Variants in TUBA8 observed in about 807,000 individuals in gnomAD.
The protein encoded by TUBA8 is tubulin alpha 8.
In TUBA8, 29 loss-of-function variants were observed where a neutral mutation model predicts 34.7. The observed-to-expected ratio is 0.84, with a 90% CI of 0.62 to 1.14. The LOEUF is 1.14. Among genes scored for constraint, TUBA8 ranks in the 50% most tolerant of loss-of-function variants. TUBA8 has a pLI of 0.00. For missense variants in TUBA8, 541 were observed against 599.2 expected, an observed-to-expected ratio of 0.90 and a Z score of 1.01; for synonymous variants, 226 against 231.2, an observed-to-expected ratio of 0.98 and a Z score of 0.21.
chr22:18,127,596 T>C (rs1928373160), intron 4 of TUBA8: 1 of 152,520 alleles, frequency 6.6e-6, no homozygotes, highest in East Asian at 1.9e-4. Flanking sequence ...GGTTTCACCG[T>C]GTTAGCCAGG....
rs917177096 is a variant in TUBA8 at position 18,121,342 on chromosome 22, C to G, written c.4-137C>G. ...TGGTCCAGCTGCTATAGAGCTGGGGCACCTGCAGCCTCAACGCCAACTGGC... is the reference window on the plus strand; with the variant it reads ...TGGTCCAGCTGCTATAGAGCTGGGGGACCTGCAGCCTCAACGCCAACTGGC... On this transcript the variant is annotated intron_variant, in intron 1 of 4. Coordinates refer to ENST00000330423, the MANE Select transcript of TUBA8 (RefSeq NM_018943.3). This position sits in a 1 kb window ranked among gnomAD's most constrained non-coding sequence, Gnocchi z 4.8. 4 of 721,996 alleles carry G rather than the reference C, an allele frequency of 5.5e-6. No homozygotes were observed. The highest frequency in any genetic ancestry group is 7.5e-6 in the Non-Finnish European group (3 of 398,786). 44.7% of individuals were successfully genotyped at this position (721,996 alleles called of 1,614,324 possible).
rs117213345 is a variant in TUBA8 at position 18,126,926 on chromosome 22, C to T, written c.948C>T (p.Cys316=). The change falls in exon 4 of 5, where the codon TGC becomes TGT. Residue 316 remains cysteine, a synonymous_variant. Coordinates refer to ENST00000330423, the MANE Select transcript of TUBA8 (RefSeq NM_018943.3). The surrounding 1 kb of genome is among the most constrained non-coding windows in gnomAD (Gnocchi z 4.0). ...GACATGGCAAGTACATGGCCTGCTG[C>T]ATGCTCTACCGGGGCGACGTGGTGC... is the stretch of plus-strand genomic sequence containing the variant. ...DPRHGKYMAC[C]MLYRGDVVPK... The T allele has an allele frequency of 6.8e-6, 11 of 1,612,652 alleles. No individual in the cohort carries two copies. In the East Asian group the frequency reaches 1.8e-4, roughly 26 times the overall value.
At position 18,124,460 on chromosome 22, in the gene TUBA8, A is replaced by G. The variant is rs867431834; in HGVS notation, c.375+156A>G. On this transcript the variant is annotated intron_variant, in intron 3 of 4. Coordinates refer to ENST00000330423, the MANE Select transcript of TUBA8 (RefSeq NM_018943.3). The surrounding 1 kb of genome is among the most constrained non-coding windows in gnomAD (Gnocchi z 4.3). The stretch of plus-strand genomic sequence containing the variant: ...TTTCTGCTTAAATTCTGTAAGAAGC[A>G]TGCACAGGGGTGATGCCCCTTCCTC... 1.1e-6 allele frequency: 1 copy of G among 873,954 alleles called. No homozygotes were observed. The highest frequency in any genetic ancestry group is 1.7e-6 in the Non-Finnish European group (1 of 585,100). The allele number at this position is 873,954 out of a possible 1,614,324, so 54.1% of individuals were successfully genotyped here.
intron 1 of TUBA8, chr22:18,113,034 G>C (rs116852328): frequency 1.3e-5 from 2 of 152,330 alleles, no homozygotes; most frequent in South Asian, 2.1e-4. Flanking sequence ...AGGAGAATTC[G>C]ATTTGGAATT....
At chr22:18,127,852 C>T (rs746434837) in intron 4 of TUBA8, 1 of 151,704 alleles carries the variant, frequency 6.6e-6, no homozygotes, top group Non-Finnish European at 1.5e-5. Context: ...CGCCTGCTAC[C>T]ACACCCGGCT....
At chr22:18,116,642 G>A (rs956038824) in intron 1 of TUBA8, 31 of 152,352 alleles carry the variant, frequency 2.0e-4, no homozygotes, top group African/African-American at 7.0e-4. Flanking sequence ...CTAAATGTTC[G>A]GAGCCGATAT....
In TUBA8 at chr22:18,111,122, G is replaced by A. The variant is rs568797813; in HGVS notation, c.3+254G>A. On this transcript the variant is annotated intron_variant, in intron 1 of 4. Coordinates refer to ENST00000330423, the MANE Select transcript of TUBA8 (RefSeq NM_018943.3). The surrounding 1 kb of genome is among the most constrained non-coding windows in gnomAD (Gnocchi z 5.1). ...CTAAGGGAGCTTTGCGTGCAGACGA[G>A]GGGGAGGGAGGCCCTGGGGAGCCCG... The A allele has an allele frequency of 1.0e-5, 6 of 596,458 alleles. No individual in the cohort carries two copies. Among genetic ancestry groups the A allele is most frequent in the South Asian group, 6.3e-5 (3 of 47,286 alleles). 36.9% of individuals were successfully genotyped at this position (596,458 alleles called of 1,614,324 possible). A position where few individuals can be genotyped will look rare whatever the true frequency, so the allele number is the denominator to read the frequency against.
At position 18,121,929 on chromosome 22, in the gene TUBA8, C is replaced by A; in HGVS notation, c.226+228C>A. On this transcript the variant is annotated intron_variant, in intron 2 of 4. Transcript: ENST00000330423. This position sits in a 1 kb window ranked among gnomAD's most constrained non-coding sequence, Gnocchi z 4.8. ...GAACAAAATGCCTCCCACTTCAACC[C>A]CAAAACCTGCGGCACCAGGTCAAAA... 1.8e-6 allele frequency: 1 copy of A among 555,394 alleles called. No homozygotes were observed. The highest frequency in any genetic ancestry group is 3.2e-6 in the Non-Finnish European group (1 of 310,546). The allele number at this position is 555,394 out of a possible 1,614,324, so 34.4% of individuals were successfully genotyped here. A position where few individuals can be genotyped will look rare whatever the true frequency, so the allele number is the denominator to read the frequency against.
In TUBA8 at chr22:18,130,880, G is replaced by A; in HGVS notation, c.1094G>A (p.Gly365Glu). The change falls in exon 5 of 5, where the codon GGG becomes GAG. Residue 365 changes from glycine (G) to glutamate (E), a missense_variant. Physicochemically the swap from Gly to Glu is moderately conservative, Grantham distance 98 (BLOSUM62 -2). Coordinates refer to ENST00000330423, the MANE Select transcript of TUBA8 (RefSeq NM_018943.3). ...INYQPPTVVPGGDLAKVQRAV... is the reference protein window; with the variant it reads ...INYQPPTVVPEGDLAKVQRAV... Reference sequence around the variant, plus strand: ...TACCAGCCCCCGACCGTGGTCCCCGGGGGAGACCTGGCCAAGGTGCAGCGG... The same window carrying A: ...TACCAGCCCCCGACCGTGGTCCCCGAGGGAGACCTGGCCAAGGTGCAGCGG... 6.2e-7 allele frequency: 1 copy of A among 1,614,070 alleles called. No individual in the cohort carries two copies.
intron 2 of TUBA8, 174 bp from the exon 3 acceptor site, chr22:18,123,982 G>C: frequency 1.3e-6 from 1 of 762,020 alleles, no homozygotes; most frequent in Non-Finnish European, 2.2e-6. Context: ...GTTAGTCCCT[G>C]AGCTACCCGG....
rs1928156760 is a variant in TUBA8 at position 18,121,718 on chromosome 22, TTCC to T, written c.226+18_226+20del. 13 of 1,605,784 alleles carry T rather than the reference TTCC, an allele frequency of 8.1e-6. No individual in the cohort carries two copies. Among genetic ancestry groups the T allele is most frequent in the Non-Finnish European group, 9.4e-6 (11 of 1,173,768 alleles). Reference sequence around the variant, plus strand: ...CTGTAGTGGGTGAGTGGGGGCGGAGTTCCCCTCCACAGAGAACATCTCGAAACT... The same window carrying T: ...CTGTAGTGGGTGAGTGGGGGCGGAGTCCTCCACAGAGAACATCTCGAAACT... On this transcript the variant is annotated intron_variant, in intron 2 of 4. Transcript: ENST00000330423. This position sits in a 1 kb window ranked among gnomAD's most constrained non-coding sequence, Gnocchi z 4.8.
intron 4 of TUBA8, chr22:18,129,242 G>T (rs570470252): frequency 1.3e-3 from 194 of 152,316 alleles, no homozygotes; most frequent in African/African-American, 4.5e-3. Context: ...GGGGAAAAAA[G>T]AGAATGAATG....
At chr22:18,130,769 A>T (rs1928473969) in intron 4 of TUBA8, 74 bp from the exon 5 acceptor site, 1 of 1,599,402 alleles carries the variant, frequency 6.3e-7, no homozygotes, top group East Asian at 2.2e-5. Context: ...AGTGACCAAG[A>T]TGTCCCATCC....
In TUBA8 at chr22:18,119,437, T is replaced by C. The variant is rs1417794099; in HGVS notation, c.4-2042T>C. The C allele has an allele frequency of 6.6e-6, 1 of 152,208 alleles. No homozygotes were observed. The highest frequency in any genetic ancestry group is 2.4e-5 in the African/African-American group (1 of 41,430). 9.4% of individuals were successfully genotyped at this position (152,208 alleles called of 1,614,324 possible). The stretch of plus-strand genomic sequence containing the variant: ...AATGGCAAGACAGCATCAACAACTG[T>C]GGCTAACTTACACTTTTCAGATGAG... On this transcript the variant is annotated intron_variant, in intron 1 of 4. Transcript: ENST00000330423. The surrounding 1 kb of genome is among the most constrained non-coding windows in gnomAD (Gnocchi z 5.9).
Position 18,124,458 on chromosome 22 carries a change from G to A in TUBA8, c.375+154G>A. Reference sequence around the variant, plus strand: ...AATTTCTGCTTAAATTCTGTAAGAAGCATGCACAGGGGTGATGCCCCTTCC... The same window carrying A: ...AATTTCTGCTTAAATTCTGTAAGAAACATGCACAGGGGTGATGCCCCTTCC... On this transcript the variant is annotated intron_variant, in intron 3 of 4. Transcript: ENST00000330423. This position sits in a 1 kb window ranked among gnomAD's most constrained non-coding sequence, Gnocchi z 4.3. The A allele has an allele frequency of 3.4e-6, 3 of 881,108 alleles. No homozygotes were observed. Among genetic ancestry groups the A allele is most frequent in the Non-Finnish European group, 5.1e-6 (3 of 591,530 alleles). 54.6% of individuals were successfully genotyped at this position (881,108 alleles called of 1,614,324 possible). A position where few individuals can be genotyped will look rare whatever the true frequency, so the allele number is the denominator to read the frequency against.
intron 1 of TUBA8, chr22:18,112,780 T>G (rs762701574): frequency 1.3e-5 from 2 of 152,284 alleles, no homozygotes; most frequent in Non-Finnish European, 2.9e-5. Context: ...ATTTAACTTG[T>G]GTGCGTTGCA....
Position 18,121,880 on chromosome 22 carries a change from T to C in TUBA8, c.226+179T>C. ...GTCCCCACAGTCTCGGGGAATCTCA[T>C]GACAGTGATCAAGACTCTATGCAGA... On this transcript the variant is annotated intron_variant, in intron 2 of 4. Transcript: ENST00000330423. The surrounding 1 kb of genome is among the most constrained non-coding windows in gnomAD (Gnocchi z 4.8). The C allele has an allele frequency of 1.6e-6, 1 of 627,804 alleles. No individual in the cohort carries two copies. The highest frequency in any genetic ancestry group is 2.8e-5 in the East Asian group (1 of 36,262). 38.9% of individuals were successfully genotyped at this position (627,804 alleles called of 1,614,324 possible).
chr22:18,122,901 A>C (rs956028587), intron 2 of TUBA8: 1 of 151,606 alleles, frequency 6.6e-6, no homozygotes, highest in African/African-American at 2.4e-5. Context: ...ACGAGGTCAG[A>C]AGATCGAGAC....
chr22:18,111,177 C>T lies in TUBA8; in HGVS notation c.3+309C>T, dbSNP rs1414447066. ...AGAAGGGGGCGAGATTCTGGGGTCCCCAGATGGGCAGCCTGTGGACAGAGT... is the reference window on the plus strand; with the variant it reads ...AGAAGGGGGCGAGATTCTGGGGTCCTCAGATGGGCAGCCTGTGGACAGAGT... On this transcript the variant is annotated intron_variant, in intron 1 of 4. Transcript: ENST00000330423. This position sits in a 1 kb window ranked among gnomAD's most constrained non-coding sequence, Gnocchi z 5.1. 5.5e-6 allele frequency: 3 copies of T among 545,500 alleles called. No individual in the cohort carries two copies. Among genetic ancestry groups the T allele is most frequent in the South Asian group, 4.6e-5 (2 of 43,920 alleles). The allele number at this position is 545,500 out of a possible 1,614,324, so 33.8% of individuals were successfully genotyped here. A position where few individuals can be genotyped will look rare whatever the true frequency, so the allele number is the denominator to read the frequency against.
Sources: allele counts gnomAD v4.1 joint callset, GRCh38; gene constraint gnomAD v4.1.1; non-coding constraint Gnocchi (gnomAD v3.1); transcripts MANE v1.5; gene names NCBI Gene and HGNC (gene_info 2026-07-23, HGNC 2026-07-21).